The following B3GLCT variants were observed in gnomAD, a reference collection of about 807,000 sequenced individuals.
B3GLCT encodes the protein beta-1,3-glucosyltransferase.
A neutral mutation model predicts 63.4 loss-of-function variants in B3GLCT; 65 were observed. That is an observed-to-expected ratio of 1.03 (90% CI 0.84 to 1.26). The LOEUF is 1.26. Among genes scored for constraint, B3GLCT ranks in the 50% most tolerant of loss-of-function variants. The probability of loss-of-function intolerance (pLI) is 0.00; values close to 1 mark genes in which losing one functional copy is unlikely to be tolerated. For missense variants in B3GLCT, 577 were observed against 604.8 expected, an observed-to-expected ratio of 0.95 and a Z score of 0.48; for synonymous variants, 233 against 219.2, an observed-to-expected ratio of 1.06 and a Z score of -0.55.
intron 1 of B3GLCT, among the ~76,000 whole-genome samples, chr13:31,205,886 A>G (rs968959791): frequency 6.6e-6 from 1 of 152,262 alleles, no homozygotes; most frequent in Non-Finnish European, 1.5e-5. Flanking sequence ...AAGTATAAGT[A>G]TCATCAAATA....
chr13:31,218,160 C>A (rs1869644289), intron 2 of B3GLCT, among the ~76,000 whole-genome samples: 1 of 147,586 alleles, frequency 6.8e-6, no homozygotes, highest in South Asian at 2.1e-4. Flanking sequence ...AGCTGTATTC[C>A]TAGGTGTTTT....
intron 12 of B3GLCT, 126 bp downstream of exon 12, chr13:31,286,945 C>A (rs1873366680): frequency 3.2e-6 from 2 of 624,634 alleles, no homozygotes; most frequent in South Asian, 2.3e-5. Context: ...CTATCTGAAC[C>A]AATCCTCTTA....
At chr13:31,310,226 G>A (rs1002463350) in intron 12 of B3GLCT, among the ~76,000 whole-genome samples, 10 of 152,178 alleles carry the variant, frequency 6.6e-5, no homozygotes, top group Admixed American at 6.5e-4. Context: ...GGGACTACCT[G>A]CCTTAGTTAG....
At chr13:31,208,147 G>A (rs1186537226) in intron 1 of B3GLCT, among the ~76,000 whole-genome samples, 1 of 151,326 alleles carries the variant, frequency 6.6e-6, no homozygotes, top group East Asian at 1.9e-4. Flanking sequence ...TATGCTGTAT[G>A]ACTTCTCAGG....
intron 10 of B3GLCT, among the ~76,000 whole-genome samples, chr13:31,284,393 T>C (rs1361391544): frequency 6.6e-6 from 1 of 152,204 alleles, no homozygotes; most frequent in African/African-American, 2.4e-5. Flanking sequence ...AAATTTATCA[T>C]TATATGGAAG....
In B3GLCT at chr13:31,286,880, C is replaced by A. The variant is rs542967147; in HGVS notation, c.1064+61C>A. On this transcript the variant is annotated intron_variant, in intron 12 of 14. Coordinates refer to ENST00000343307, the MANE Select transcript of B3GLCT (RefSeq NM_194318.4). Reference sequence around the variant, plus strand: ...TCTACATATATTCATATTCAAAAAACTAGATGGGTACTTTTTCTGGCCAAG... The same window carrying A: ...TCTACATATATTCATATTCAAAAAAATAGATGGGTACTTTTTCTGGCCAAG... 62 of 1,173,336 alleles carry A rather than the reference C, an allele frequency of 5.3e-5. No homozygotes were observed. The South Asian group carries it at 7.6e-4, about 14-fold the overall frequency. 72.7% of individuals were successfully genotyped at this position (1,173,336 alleles called of 1,614,324 possible).
chr13:31,225,198 ACAATC>A (rs1870037471), intron 3 of B3GLCT, among the ~76,000 whole-genome samples: 1 of 152,236 alleles, frequency 6.6e-6, no homozygotes, highest in Non-Finnish European at 1.5e-5. Flanking sequence ...AGAAACAATG[ACAATC>A]CATCTTGAGT....
At chr13:31,262,985 A>G (rs978579193) in intron 7 of B3GLCT, among the ~76,000 whole-genome samples, 3 of 152,208 alleles carry the variant, frequency 2.0e-5, no homozygotes, top group Non-Finnish European at 4.4e-5. Context: ...TGAGAGAGGA[A>G]CAAACACAGC....
intron 3 of B3GLCT, among the ~76,000 whole-genome samples, chr13:31,228,207 A>C (rs1480317836): frequency 3.3e-5 from 1 of 30,404 alleles, no homozygotes; most frequent in Non-Finnish European, 6.6e-5. Context: ...GTTGCTGAGG[A>C]ATTGCTGTGG....
intron 7 of B3GLCT, among the ~76,000 whole-genome samples, chr13:31,263,507 T>A (rs1304121619): frequency 6.6e-6 from 1 of 152,186 alleles, no homozygotes; most frequent in Non-Finnish European, 1.5e-5. Flanking sequence ...GCTCATCAAG[T>A]GTAGCAGCAC....
intron 6 of B3GLCT, among the ~76,000 whole-genome samples, chr13:31,254,310 C>CA (rs1225983691): frequency 6.6e-6 from 1 of 152,208 alleles, no homozygotes; most frequent in Non-Finnish European, 1.5e-5. Flanking sequence ...GGCAGCACAT[C>CA]AAAAAACTTA....
At position 31,273,959 on chromosome 13, in the gene B3GLCT, A is replaced by G. The variant is rs367654041; in HGVS notation, c.661-550A>G. Among the ~76,000 whole-genome samples, 23 of 152,306 alleles carry G rather than the reference A, an allele frequency of 1.5e-4. No homozygotes were observed. The East Asian group carries it at 4.2e-3, about 28-fold the overall frequency. On this transcript the variant is annotated intron_variant, in intron 8 of 14. Coordinates refer to ENST00000343307, the MANE Select transcript of B3GLCT (RefSeq NM_194318.4). ...CATAGACTTCAGTCTCTTCACTCCT[A>G]TCAGAAACTCAGCCTTGCCAGAGGT...
At chr13:31,258,981 T>C (rs555513611) in intron 6 of B3GLCT, among the ~76,000 whole-genome samples, 4 of 152,336 alleles carry the variant, frequency 2.6e-5, no homozygotes, top group Admixed American at 6.5e-5. Flanking sequence ...TTTTTTCTTA[T>C]ATCAGTCTGG....
At chr13:31,213,650 A>ACTGTATTCC (rs1398489093) in intron 1 of B3GLCT, among the ~76,000 whole-genome samples, 22 of 110,288 alleles carry the variant, frequency 2.0e-4, no homozygotes, top group Non-Finnish European at 3.2e-4. Context: ...ACTCACTATA[A>ACTGTATTCC]CTGTATTCCT....
At chr13:31,276,197 G>T (rs7319178) in intron 9 of B3GLCT, among the ~76,000 whole-genome samples, 5,676 of 152,166 alleles carry the variant, frequency 0.037, 366 homozygotes, top group African/African-American at 0.13. Context: ...GCCTAGACTT[G>T]GGTCGCCAGT....
At chr13:31,262,500 C>T (rs1414063771) in intron 7 of B3GLCT, among the ~76,000 whole-genome samples, 5 of 152,160 alleles carry the variant, frequency 3.3e-5, no homozygotes, top group Non-Finnish European at 7.3e-5. Context: ...CCCTTCTCAC[C>T]GTCTACTGGT....
intron 5 of B3GLCT, 143 bp from the exon 6 acceptor site, chr13:31,247,712 C>G (rs1593271289): frequency 1.8e-6 from 1 of 549,020 alleles, no homozygotes; most frequent in Non-Finnish European, 3.3e-6. Flanking sequence ...TCTGGCTTTT[C>G]TATAAGCTGA....
intron 12 of B3GLCT, among the ~76,000 whole-genome samples, chr13:31,299,023 T>C (rs1296753095): frequency 3.9e-5 from 6 of 152,166 alleles, no homozygotes; most frequent in Non-Finnish European, 8.8e-5. Context: ...AGTGATCTGA[T>C]TTAGGGAAGA....
chr13:31,259,408 C>G (rs1449894599), intron 6 of B3GLCT, among the ~76,000 whole-genome samples: 1 of 152,040 alleles, frequency 6.6e-6, no homozygotes, highest in Admixed American at 6.6e-5. Context: ...TACGTCTATT[C>G]ATAGACTGCC....
Sources: allele counts gnomAD v4.1 joint callset (sites outside exome capture counted in the v4.1 genomes callset), GRCh38; gene constraint gnomAD v4.1.1; transcripts MANE v1.5; gene names NCBI Gene and HGNC (gene_info 2026-07-23, HGNC 2026-07-21).